Variants in RBL1 observed in about 807,000 individuals in gnomAD.
The protein encoded by RBL1 is retinoblastoma-like protein 1.
In RBL1, 82 loss-of-function variants were observed where a neutral mutation model predicts 123.0. That is an observed-to-expected ratio of 0.67 (90% CI 0.56 to 0.80). The LOEUF (loss-of-function observed/expected upper bound fraction) is 0.80, where lower values mean the gene tolerates loss of function less well. RBL1 is among the 30% of genes least tolerant of loss of function. The pLI, the probability that RBL1 is intolerant of heterozygous loss-of-function variation, is 0.00. For missense variants in RBL1, 1,171 were observed against 1,299.6 expected (o/e 0.90, Z 1.52); for synonymous variants, 405 against 441.3 (o/e 0.92, Z 1.03).
At chr20:36,999,358 A>G (rs1352637393) in intron 21 of RBL1, among the ~76,000 whole-genome samples, 1 of 152,146 alleles carries the variant, frequency 6.6e-6, no homozygotes, top group Non-Finnish European at 1.5e-5. Flanking sequence ...AGCAGTGATC[A>G]TGCCTGGGAA....
chr20:37,038,733 G>A (rs1475020318), intron 14 of RBL1, among the ~76,000 whole-genome samples: 2 of 151,180 alleles, frequency 1.3e-5, no homozygotes, highest in Non-Finnish European at 2.9e-5. Context: ...CTCCTGAGTA[G>A]CTGGGATTAC....
rs769926897 is a variant in RBL1 at position 37,061,163 on chromosome 20, A to G, written c.1190T>C (p.Leu397Ser). ...VASATQSVSRLQSIVAGLKNA... is the reference protein window; with the variant it reads ...VASATQSVSRSQSIVAGLKNA... ...TTTCAGACCAGCCACAATACTCTGTAACCGGCTCACACTTTGGGTGGCTGA... is the reference window on the plus strand; with the variant it reads ...TTTCAGACCAGCCACAATACTCTGTGACCGGCTCACACTTTGGGTGGCTGA... Residue 397 changes from leucine to serine, a missense_variant, in exon 9 of 22, where the codon TTA (leucine) becomes TCA (serine). Coordinates refer to ENST00000373664, the MANE Select transcript of RBL1 (RefSeq NM_002895.5). 19 of 1,613,896 alleles carry G rather than the reference A, an allele frequency of 1.2e-5. No individual in the cohort carries two copies. The highest frequency in any genetic ancestry group is 1.5e-5 in the Non-Finnish European group (18 of 1,179,916).
At chr20:37,041,239 C>T (rs964143752) in intron 13 of RBL1, among the ~76,000 whole-genome samples, 2 of 152,060 alleles carry the variant, frequency 1.3e-5, no homozygotes, top group Admixed American at 1.3e-4. Context: ...ACAAAAAAAA[C>T]CCCACAATTT....
intron 19 of RBL1, among the ~76,000 whole-genome samples, chr20:37,017,651 T>TGTGTGTGTGTGTGTGTGTGA (rs1234219930): frequency 4.0e-5 from 6 of 151,062 alleles, no homozygotes; most frequent in Non-Finnish European, 5.9e-5. Context: ...TGTGTGTGTG[T>TGTGTGTGTGTGTGTGTGTGA]GACAGAGTCT....
intron 2 of RBL1, among the ~76,000 whole-genome samples, chr20:37,076,246 T>C (rs1332749345): frequency 1.3e-5 from 2 of 152,190 alleles, no homozygotes; most frequent in Non-Finnish European, 2.9e-5. Context: ...CAGAACCATA[T>C]ATAGAGTATA....
In RBL1 at chr20:37,095,894, G is replaced by A. The variant is rs1308562746; in HGVS notation, c.35C>T (p.Ala12Val). The A allele has an allele frequency of 8.7e-6, 14 of 1,601,794 alleles. No individual in the cohort carries two copies. The highest frequency in any genetic ancestry group is 1.1e-5 in the South Asian group (1 of 89,762). Reference protein sequence around the residue: ...FEDKPHAEGAAVVAAAGEALQ... With the variant: ...FEDKPHAEGAVVVAAAGEALQ... ...CGCCTCCCCGGCTGCGGCGACCACC[G>A]CCGCCCCCTCAGCGTGGGGCTTGTC... Residue 12 changes from alanine (A) to valine (V), a missense_variant, in exon 1 of 22, where the codon GCG becomes GTG. Physicochemically the swap from Ala to Val is moderately conservative, Grantham distance 64. Transcript: ENST00000373664.
intron 11 of RBL1, among the ~76,000 whole-genome samples, chr20:37,055,323 A>C (rs1003018442): frequency 1.3e-5 from 2 of 151,986 alleles, no homozygotes; most frequent in Non-Finnish European, 2.9e-5. Flanking sequence ...AAAAAAAAAA[A>C]AAAAAAAACA....
chr20:37,040,391 G>T, intron 13 of RBL1, 106 bp from the exon 14 acceptor site: 1 of 1,448,652 alleles, frequency 6.9e-7, no homozygotes, highest in Non-Finnish European at 9.1e-7. Context: ...TCATTCTGTT[G>T]CCCAGGCTGG....
At chr20:37,000,705 C>T (rs1365818955) in intron 21 of RBL1, among the ~76,000 whole-genome samples, 140 of 117,294 alleles carry the variant, frequency 1.2e-3, no homozygotes, top group African/African-American at 1.9e-3. Flanking sequence ...CCAGCCGCCC[C>T]GTCCGGGAGG....
At chr20:37,048,929 C>G (rs928521945) in intron 11 of RBL1, among the ~76,000 whole-genome samples, 1 of 146,554 alleles carries the variant, frequency 6.8e-6, no homozygotes, top group East Asian at 2.0e-4. Flanking sequence ...AAGCCAGGTG[C>G]GGTGGCTCAA....
chr20:37,015,556 G>A (rs920850901), intron 19 of RBL1, among the ~76,000 whole-genome samples: 1 of 151,840 alleles, frequency 6.6e-6, no homozygotes, highest in African/African-American at 2.4e-5. Context: ...TCAGCCTCTG[G>A]AGCAGCTGGG....
At chr20:37,070,229 G>A (rs2065263266) in intron 2 of RBL1, among the ~76,000 whole-genome samples, 1 of 152,022 alleles carries the variant, frequency 6.6e-6, no homozygotes, top group African/African-American at 2.4e-5. Flanking sequence ...ATGGATTAAG[G>A]GCGGTGCAAG....
intron 14 of RBL1, among the ~76,000 whole-genome samples, chr20:37,035,997 A>C (rs188959344): frequency 6.6e-5 from 10 of 152,294 alleles, no homozygotes; most frequent in African/African-American, 1.9e-4. Context: ...TCTTTAGTAA[A>C]TCTATCAGAA....
chr20:37,049,803 C>CTT, intron 11 of RBL1: 2 of 469,516 alleles, frequency 4.3e-6, no homozygotes, highest in East Asian at 6.7e-5. Context: ...TGGCTCACAC[C>CTT]TGTAATCCCG....
At position 37,035,374 on chromosome 20, in the gene RBL1, T is replaced by A; in HGVS notation, c.2038A>T (p.Lys680Ter). 6.2e-7 allele frequency: 1 copy of A among 1,614,190 alleles called. No homozygotes were observed. ...LMDKIITEGTKLKIAPSSSIT... is the reference protein window; with the variant it reads ...LMDKIITEGT ...CTTGAAGAAGGAGCGATTTTCAATTTTGTTCCTTCTGTTATGATCTTGTCC... is the reference window on the plus strand; with the variant it reads ...CTTGAAGAAGGAGCGATTTTCAATTATGTTCCTTCTGTTATGATCTTGTCC... The change falls in exon 15 of 22, where the codon AAA (lysine) becomes TAA (stop). Residue 680 changes from lysine to a stop codon, truncating the protein, a stop_gained. Transcript: ENST00000373664. LOFTEE classifies it high-confidence loss of function.
intron 16 of RBL1, among the ~76,000 whole-genome samples, chr20:37,026,488 G>A (rs915718312): frequency 3.3e-5 from 5 of 151,104 alleles, no homozygotes; most frequent in Non-Finnish European, 7.4e-5. Context: ...GGTGGATCAC[G>A]AGGTCAGAAG....
intron 11 of RBL1, among the ~76,000 whole-genome samples, chr20:37,047,406 C>A (rs1212806737): frequency 6.6e-6 from 1 of 152,126 alleles, no homozygotes; most frequent in African/African-American, 2.4e-5. Flanking sequence ...GTGTACATAA[C>A]AATCTGCTTT....
chr20:37,068,245 G>A, intron 2 of RBL1, 59 bp from the exon 3 acceptor site: 2 of 1,491,656 alleles, frequency 1.3e-6, no homozygotes, highest in East Asian at 2.5e-5. Context: ...ATAATGGATT[G>A]AAAGGAAATA....
At chr20:37,008,946 TG>T (rs993611485) in intron 19 of RBL1, among the ~76,000 whole-genome samples, 2 of 152,052 alleles carry the variant, frequency 1.3e-5, no homozygotes, top group African/African-American at 4.8e-5. Flanking sequence ...GTACTGCAGT[TG>T]GGGAAAAAAA....
Sources: allele counts gnomAD v4.1 joint callset (sites outside exome capture counted in the v4.1 genomes callset), GRCh38; gene constraint gnomAD v4.1.1; transcripts MANE v1.5; gene names NCBI Gene and HGNC (gene_info 2026-07-23, HGNC 2026-07-21).